Variants in DNAH10 observed in about 807,000 individuals in gnomAD.
The protein encoded by DNAH10 is axonemal beta dynein heavy chain 10.
DNAH10 carries 348 observed loss-of-function variants against 506.6 expected under a neutral mutation model. That is an observed-to-expected ratio of 0.69 (90% CI 0.63 to 0.75). The LOEUF is 0.75. DNAH10 is among the 30% of genes least tolerant of loss of function. DNAH10 has a pLI of 0.00. For missense variants in DNAH10, 5,179 were observed against 5,787.1 expected (o/e 0.89, Z 3.41); for synonymous variants, 2,059 against 2,198.6 (o/e 0.94, Z 1.78).
At chr12:123,861,286 AGAG>A (rs1951601466) in intron 39 of DNAH10, 116 bp downstream of exon 39, 1 of 1,317,608 alleles carries the variant, frequency 7.6e-7, no homozygotes, top group African/African-American at 1.5e-5. Flanking sequence ...CAACAGACTT[AGAG>A]TCCAGTCTTG....
In DNAH10 at chr12:123,848,757, G is replaced by T; in HGVS notation, c.5977G>T (p.Ala1993Ser). Reference sequence around the variant, plus strand: ...CGTGGGGAAGATTTTCTCTGGCCTGGCACAGTGCGGGGCTTGGGGCTGCTT... The same window carrying T: ...CGTGGGGAAGATTTTCTCTGGCCTGTCACAGTGCGGGGCTTGGGGCTGCTT... ...RAVGKIFSGLAQCGAWGCFDE... is the reference protein window; with the variant it reads ...RAVGKIFSGLSQCGAWGCFDE... Residue 1993 changes from alanine to serine, a missense_variant, in exon 34 of 79, where the codon GCA becomes TCA. Around this residue, in one of 3 missense-constraint regions of DNAH10, gnomAD observed 4,844 missense variants for 5,430.5 expected, o/e 0.89. Transcript: ENST00000673944. 6.2e-7 allele frequency: 1 copy of T among 1,613,936 alleles called. No homozygotes were observed. Among genetic ancestry groups the T allele is most frequent in the South Asian group, 1.1e-5 (1 of 91,060 alleles).
chr12:123,864,498 G>C, intron 39 of DNAH10, 97 bp from the exon 40 acceptor site: 4 of 1,488,470 alleles, frequency 2.7e-6, no homozygotes, highest in Non-Finnish European at 3.6e-6. Flanking sequence ...AGAAAACCCT[G>C]GGAAAAAGAC....
At chr12:123,885,848 T>C (rs1952704650) in intron 51 of DNAH10, among the ~76,000 whole-genome samples, 2 of 152,242 alleles carry the variant, frequency 1.3e-5, no homozygotes, top group African/African-American at 4.8e-5. Context: ...AGTTTGAATA[T>C]CCTTTTATAC....
At chr12:123,783,347 A>C in intron 7 of DNAH10, 83 bp downstream of exon 7, 1 of 1,486,934 alleles carries the variant, frequency 6.7e-7, no homozygotes, top group Non-Finnish European at 9.2e-7. Flanking sequence ...TGGGGTCTGC[A>C]TCATCTGGCA....
At chr12:123,923,469 C>T in intron 65 of DNAH10, 1 of 233,130 alleles carries the variant, frequency 4.3e-6, no homozygotes, top group Non-Finnish European at 8.2e-6. Flanking sequence ...CCCTGCTGTA[C>T]TGCCCCTCAC....
In DNAH10 at chr12:123,850,857, G is replaced by C. The variant is rs1015510723; in HGVS notation, c.6103-31G>C. ...GGCTGGCCGGCCGGGCCACCTAACT[G>C]CTTCTTTCTTTCTTCCTTCTTGCCC... On this transcript the variant is annotated intron_variant, in intron 34 of 78. Transcript: ENST00000673944. The surrounding 1 kb of genome is among the most constrained non-coding windows in gnomAD (Gnocchi z 5.5). 1 of 1,589,064 alleles carries C rather than the reference G, an allele frequency of 6.3e-7. No individual in the cohort carries two copies. Among genetic ancestry groups the C allele is most frequent in the Non-Finnish European group, 8.6e-7 (1 of 1,165,548 alleles).
Position 123,853,859 on chromosome 12 carries a change from C to T in DNAH10, c.6438+507C>T, listed in dbSNP as rs572671133. Among the ~76,000 whole-genome samples, 5 of 133,056 alleles carry T rather than the reference C, an allele frequency of 3.8e-5. No individual in the cohort carries two copies. The highest frequency in any genetic ancestry group is 2.2e-4 in the East Asian group (1 of 4,622). 87.3% of individuals were successfully genotyped at this position (133,056 alleles called of 152,430 possible). On this transcript the variant is annotated intron_variant, in intron 36 of 78. Coordinates refer to ENST00000673944, the MANE Select transcript of DNAH10 (RefSeq NM_001372106.1). The surrounding 1 kb of genome is among the most constrained non-coding windows in gnomAD (Gnocchi z 4.7). ...ACGCACACGCACGGACACACGCACGCGCACACACACACGGATACATGCACG... is the reference window on the plus strand; with the variant it reads ...ACGCACACGCACGGACACACGCACGTGCACACACACACGGATACATGCACG...
In DNAH10 at chr12:123,881,806, G is replaced by A. The variant is rs1594277228; in HGVS notation, c.8816G>A (p.Ser2939Asn). The A allele has an allele frequency of 6.6e-7, 1 of 1,511,704 alleles. No individual in the cohort carries two copies. The highest frequency in any genetic ancestry group is 8.8e-7 in the Non-Finnish European group (1 of 1,130,204). 93.6% of individuals were successfully genotyped at this position (1,511,704 alleles called of 1,614,324 possible). The change falls in exon 51 of 79, where the codon AGC (serine) becomes AAC (asparagine). Residue 2939 changes from serine (S) to asparagine (N), a missense_variant. Ser to Asn is a conservative substitution (Grantham distance 46). This residue lies in a region of DNAH10 where 4,844 missense variants were observed against 5,430.5 expected (regional missense o/e 0.89). Transcript: ENST00000673944. ...SLSRLAAFTA[S>N]CEVFEILLSR... ...TCGAGGCTGGCTGCCTTCACAGCCA[G>A]CTGTGAGGTCAGTCCACGTACCCTC...
At chr12:123,805,817 C>A (rs1250526267) in intron 18 of DNAH10, among the ~76,000 whole-genome samples, 1 of 150,342 alleles carries the variant, frequency 6.7e-6, no homozygotes, top group African/African-American at 2.4e-5. Flanking sequence ...CGCTCTGTCG[C>A]CCAGGTTGGA....
At position 123,850,846 on chromosome 12, in the gene DNAH10, G is replaced by T; in HGVS notation, c.6103-42G>T. 6.4e-7 allele frequency: 1 copy of T among 1,570,552 alleles called. No individual in the cohort carries two copies. The highest frequency in any genetic ancestry group is 2.3e-5 in the East Asian group (1 of 44,036). On this transcript the variant is annotated intron_variant, in intron 34 of 78. Transcript: ENST00000673944. This position sits in a 1 kb window ranked among gnomAD's most constrained non-coding sequence, Gnocchi z 5.5. ...CCTTTCCAAGGGGCTGGCCGGCCGG[G>T]CCACCTAACTGCTTCTTTCTTTCTT... is the stretch of plus-strand genomic sequence containing the variant.
intron 57 of DNAH10, among the ~76,000 whole-genome samples, chr12:123,908,103 C>A (rs1042476140): frequency 1.4e-5 from 2 of 147,448 alleles, no homozygotes; most frequent in Non-Finnish European, 3.0e-5. Flanking sequence ...CCCTGTCTCC[C>A]TGTCTCCTCC....
Position 123,818,975 on chromosome 12 carries a change from T to C in DNAH10, c.3806T>C (p.Val1269Ala). The C allele has an allele frequency of 6.2e-7, 1 of 1,605,640 alleles. No homozygotes were observed. The highest frequency in any genetic ancestry group is 8.5e-7 in the Non-Finnish European group (1 of 1,175,852). The change falls in exon 22 of 79, where the codon GTT becomes GCT. Residue 1269 changes from valine to alanine, a missense_variant. Transcript: ENST00000673944. ...LFPPDAEKEL[V>A]DKIESIWSNL... ...CCTCCTGATGCAGAGAAAGAACTGG[T>C]TGATAAGATTGAGAGCATATGGTCC...
At chr12:123,773,802 T>TG (rs1338861770) in intron 4 of DNAH10, among the ~76,000 whole-genome samples, 11 of 152,226 alleles carry the variant, frequency 7.2e-5, no homozygotes, top group Admixed American at 5.2e-4. Flanking sequence ...ATGTGGATTT[T>TG]GGGGTCATTC....
Position 123,919,061 on chromosome 12 carries a change from TTTTC to T in DNAH10, c.11506+128_11506+131del, listed in dbSNP as rs370938103. The stretch of plus-strand genomic sequence containing the variant: ...AAGTTACCAAATAGCATTTTTTCTT[TTTTC>T]TTTCTTTCTTTCTTTTTCTTTTTTT... On this transcript the variant is annotated intron_variant, in intron 65 of 78. Transcript: ENST00000673944. The surrounding 1 kb of genome is among the most constrained non-coding windows in gnomAD (Gnocchi z 4.9). The T allele has an allele frequency of 5.3e-4, 702 of 1,331,002 alleles. 2 individuals carry two copies. The African/African-American group carries it at 7.6e-3, about 14-fold the overall frequency. 82.4% of individuals were successfully genotyped at this position (1,331,002 alleles called of 1,614,324 possible).
intron 5 of DNAH10, among the ~76,000 whole-genome samples, chr12:123,777,101 G>A (rs1047708975): frequency 6.6e-6 from 1 of 152,158 alleles, no homozygotes; most frequent in Non-Finnish European, 1.5e-5. Context: ...ATCCTCTTTT[G>A]CTTGGACTAT....
intron 50 of DNAH10, 79 bp downstream of exon 50, chr12:123,879,880 T>G: frequency 6.6e-7 from 1 of 1,520,806 alleles, no homozygotes; most frequent in Non-Finnish European, 8.9e-7. Flanking sequence ...ATCGCGCGGG[T>G]GCCCGGGAGC....
intron 77 of DNAH10, 47 bp downstream of exon 77, chr12:123,933,558 T>C: frequency 6.5e-7 from 1 of 1,532,342 alleles, no homozygotes; most frequent in African/African-American, 1.4e-5. Flanking sequence ...TTAGGATTTC[T>C]CTCCCTGAAC....
chr12:123,933,315 C>A lies in DNAH10; in HGVS notation c.13297-16C>A, dbSNP rs1291586867. ...GCAGCCCCAGGCTCCCAGCACTTGT[C>A]CTCTCTTCTCTCCAGGTGACCGAGA... On this transcript the variant is annotated splice_polypyrimidine_tract_variant and intron_variant, in intron 76 of 78. Transcript: ENST00000673944. 6.6e-7 allele frequency: 1 copy of A among 1,509,638 alleles called. No homozygotes were observed. 93.5% of individuals were successfully genotyped at this position (1,509,638 alleles called of 1,614,324 possible).
chr12:123,788,037 C>A, intron 10 of DNAH10, 35 bp downstream of exon 10: 1 of 1,550,950 alleles, frequency 6.4e-7, no homozygotes. Flanking sequence ...GAATTTGCCC[C>A]GAAGAAGGCA....
Sources: allele counts gnomAD v4.1 joint callset (sites outside exome capture counted in the v4.1 genomes callset), GRCh38; gene constraint gnomAD v4.1.1; regional missense constraint gnomAD v4.1.1; non-coding constraint Gnocchi (gnomAD v3.1); transcripts MANE v1.5; gene names NCBI Gene and HGNC (gene_info 2026-07-23, HGNC 2026-07-21).